SLC37A3: variants seen among roughly 807,000 people sequenced by gnomAD.
SLC37A3 encodes solute carrier family 37 member 3.
A neutral mutation model predicts 67.1 loss-of-function variants in SLC37A3; 51 were observed. The observed-to-expected ratio is 0.76, with a 90% CI of 0.61 to 0.96. SLC37A3 has a LOEUF of 0.96. Among genes scored for constraint, SLC37A3 ranks in the 40% least tolerant of loss-of-function variants. The pLI is 0.00. For missense variants in SLC37A3, 508 were observed against 603.0 expected, an observed-to-expected ratio of 0.84 and a Z score of 1.65; for synonymous variants, 214 against 231.4, an observed-to-expected ratio of 0.92 and a Z score of 0.68.
At chr7:140,381,213 TA>T (rs138883793) in intron 2 of SLC37A3, among the ~76,000 whole-genome samples, 74,367 of 135,782 alleles carry the variant, frequency 0.55, 19,991 homozygotes, top group South Asian at 0.65. Flanking sequence ...TTCTTCTCTT[TA>T]AAAAAAAAAA....
Position 140,364,446 on chromosome 7 carries a change from A to G in SLC37A3, c.337T>C (p.Trp113Arg). Residue 113 changes from tryptophan to arginine, a missense_variant, in exon 5 of 15, where the codon TGG becomes CGG. Trp to Arg is a moderately radical substitution (Grantham distance 101, BLOSUM62 -3). Transcript: ENST00000326232. The stretch of plus-strand genomic sequence containing the variant: ...GAGCACATGCCAAAAGACAGAACCC[A>G]TCGCAAATTCAACCGATCCCCAACG... ...GIVGDRLNLR[W>R]VLSFGMCSSA... 1 of 1,614,112 alleles carries G rather than the reference A, an allele frequency of 6.2e-7. No individual in the cohort carries two copies. The highest frequency in any genetic ancestry group is 2.2e-5 in the East Asian group (1 of 44,876).
intron 13 of SLC37A3, among the ~76,000 whole-genome samples, chr7:140,339,267 T>TTG (rs1796261172): frequency 1.3e-5 from 2 of 149,516 alleles, no homozygotes; most frequent in African/African-American, 4.9e-5. Context: ...CAGTTTTGTT[T>TTG]TTTTTTTTTT....
intron 6 of SLC37A3, 68 bp from the exon 7 acceptor site, chr7:140,355,832 C>G: frequency 7.8e-7 from 1 of 1,285,330 alleles, no homozygotes; most frequent in Non-Finnish European, 1.1e-6. Flanking sequence ...GTTCAAAATA[C>G]AAAACAGCCA....
rs778677177 is a variant in SLC37A3, at chr7:140,348,782, T to G, written c.883-15A>C. On this transcript the variant is annotated splice_polypyrimidine_tract_variant and intron_variant, in intron 9 of 14. Transcript: ENST00000326232. ...GCCAGTGAGTACTACAAGAAAAGCA[T>G]TCAACTATCAGCGAGGGACAAATAG... 1 of 1,611,656 alleles carries G rather than the reference T, an allele frequency of 6.2e-7. No homozygotes were observed. Among genetic ancestry groups the G allele is most frequent in the South Asian group, 1.1e-5 (1 of 90,722 alleles).
intron 13 of SLC37A3, among the ~76,000 whole-genome samples, chr7:140,341,928 T>C (rs1270744792): frequency 6.6e-6 from 1 of 152,214 alleles, no homozygotes; most frequent in East Asian, 1.9e-4. Flanking sequence ...CTCCAGGGCA[T>C]GATCAGGTAA....
At chr7:140,347,215 CA>C (rs1344187520) in intron 10 of SLC37A3, among the ~76,000 whole-genome samples, 1 of 143,954 alleles carries the variant, frequency 6.9e-6, no homozygotes, top group Non-Finnish European at 1.5e-5. Flanking sequence ...CGTGCCACTC[CA>C]GCGTGGGCGA....
At position 140,351,411 on chromosome 7, in the gene SLC37A3, GTCT is replaced by G; in HGVS notation, c.741_743del (p.Glu247del). 2 of 1,614,150 alleles carry G rather than the reference GTCT, an allele frequency of 1.2e-6. No individual in the cohort carries two copies. Among genetic ancestry groups the G allele is most frequent in the African/African-American group, 1.3e-5 (1 of 75,042 alleles). On this transcript the variant is annotated inframe_deletion, in exon 9 of 15. Transcript: ENST00000326232. ...CACCATTAATTAATGGCCTGTGTGAGTCTTCTTCAAAGTTTTCTTCTGCCTCAA... is the reference window on the plus strand; with the variant it reads ...CACCATTAATTAATGGCCTGTGTGAGTCTTCAAAGTTTTCTTCTGCCTCAA...
At chr7:140,362,742 C>G (rs1460642534) in intron 5 of SLC37A3, among the ~76,000 whole-genome samples, 9 of 91,328 alleles carry the variant, frequency 9.9e-5, no homozygotes, top group South Asian at 4.7e-4. Context: ...GTCAGCCCCC[C>G]ACCCGGCCAG....
At position 140,356,142 on chromosome 7, in the gene SLC37A3, C is replaced by G. The variant is rs956990055; in HGVS notation, c.522-378G>C. On this transcript the variant is annotated intron_variant, in intron 6 of 14. Coordinates refer to ENST00000326232, the MANE Select transcript of SLC37A3 (RefSeq NM_207113.3). The stretch of plus-strand genomic sequence containing the variant: ...CCATGAGGCAGAGGTTGCAGTAAGC[C>G]GAGATCACGCCACTGCACTCCAGCC... Among the ~76,000 whole-genome samples the G allele has an allele frequency of 2.0e-5, 3 of 149,276 alleles. No homozygotes were observed. In the Admixed American group the frequency reaches 2.0e-4, roughly 10 times the overall value.
intron 10 of SLC37A3, among the ~76,000 whole-genome samples, chr7:140,347,271 A>G (rs562330637): frequency 4.6e-5 from 7 of 152,092 alleles, no homozygotes; most frequent in Admixed American, 6.5e-5. Context: ...AAGAAAAAAA[A>G]AAGTGGCTAG....
At chr7:140,357,304 A>T (rs1322641246) in intron 6 of SLC37A3, among the ~76,000 whole-genome samples, 1 of 152,208 alleles carries the variant, frequency 6.6e-6, no homozygotes, top group Admixed American at 6.5e-5. Context: ...ATGAAAGCAT[A>T]TGTCCACACA....
At chr7:140,375,544 C>T (rs761371114) in intron 3 of SLC37A3, among the ~76,000 whole-genome samples, 2 of 151,478 alleles carry the variant, frequency 1.3e-5, no homozygotes, top group Non-Finnish European at 2.9e-5. Context: ...TTTAAAGAAA[C>T]ATCTTTATTT....
chr7:140,377,887 A>T (rs10234726), intron 3 of SLC37A3, among the ~76,000 whole-genome samples: 2,486 of 152,086 alleles, frequency 0.016, 51 homozygotes, highest in African/African-American at 0.045. Context: ...TTTAAAAAAA[A>T]TTTTTTTATT....
rs1315968843 is a variant in SLC37A3, at chr7:140,335,368, T to A, written c.*44A>T. 1.2e-6 allele frequency: 2 copies of A among 1,614,120 alleles called. No individual in the cohort carries two copies. The highest frequency in any genetic ancestry group is 1.7e-6 in the Non-Finnish European group (2 of 1,180,044). ...TAGGGCAGACTCGAAGCCCCAGCGG[T>A]CCTGATGTGGCTGACATTGTTCTTT... On this transcript the variant is annotated 3_prime_UTR_variant, in exon 15 of 15. Coordinates refer to ENST00000326232, the MANE Select transcript of SLC37A3 (RefSeq NM_207113.3).
At chr7:140,387,801 T>TAAA (rs1798548040) in intron 1 of SLC37A3, among the ~76,000 whole-genome samples, 1 of 63,390 alleles carries the variant, frequency 1.6e-5, no homozygotes, top group African/African-American at 6.6e-5. Flanking sequence ...ATTATATATA[T>TAAA]TATACATAAA....
chr7:140,368,879 C>T (rs1472786489), intron 4 of SLC37A3, among the ~76,000 whole-genome samples: 1 of 152,100 alleles, frequency 6.6e-6, no homozygotes, highest in African/African-American at 2.4e-5. Context: ...AAATCTACTT[C>T]CCCCCAACCT....
intron 3 of SLC37A3, 89 bp downstream of exon 3, chr7:140,380,193 A>G: frequency 1.4e-6 from 1 of 692,626 alleles, no homozygotes; most frequent in East Asian, 2.8e-5. Flanking sequence ...AGTCTAGGCA[A>G]GTAAAAGATG....
chr7:140,357,709 G>A (rs1268625329), intron 6 of SLC37A3, among the ~76,000 whole-genome samples: 3 of 152,172 alleles, frequency 2.0e-5, no homozygotes, highest in East Asian at 3.9e-4. Flanking sequence ...CCTGAGGTCA[G>A]GAGATCGAGA....
intron 4 of SLC37A3, among the ~76,000 whole-genome samples, chr7:140,366,357 C>T (rs1797601324): frequency 6.6e-6 from 1 of 152,142 alleles, no homozygotes; most frequent in Admixed American, 6.6e-5. Flanking sequence ...GATCTGCCCT[C>T]CTTGGCCTCC....
Sources: allele counts gnomAD v4.1 joint callset (sites outside exome capture counted in the v4.1 genomes callset), GRCh38; gene constraint gnomAD v4.1.1; transcripts MANE v1.5; gene names NCBI Gene and HGNC (gene_info 2026-07-23, HGNC 2026-07-21).